The following SORCS3 variants were observed in gnomAD, a reference collection of about 807,000 sequenced individuals.
SORCS3 encodes sortilin related VPS10 domain containing receptor 3, also known as VPS10 domain-containing receptor SorCS3.
SORCS3 carries 57 observed loss-of-function variants against 146.3 expected under a neutral mutation model. The observed-to-expected ratio is 0.39, with a 90% CI of 0.31 to 0.49. SORCS3 has a LOEUF of 0.49. SORCS3 is among the 20% of genes least tolerant of loss of function. The pLI is 0.92. For synonymous variants in SORCS3, 653 were observed against 618.5 expected, an observed-to-expected ratio of 1.06 and a Z score of -0.83; for missense variants, 1,341 against 1,575.5, an observed-to-expected ratio of 0.85 and a Z score of 2.52.
rs567341299 is a variant in SORCS3, at chr10:104,983,675, C to T, written c.954+6182C>T. 1.0e-3 allele frequency among the ~76,000 whole-genome samples: 153 copies of T among 152,130 alleles called. 1 individual carries two copies. Among genetic ancestry groups the T allele is most frequent in the African/African-American group, 3.5e-3 (147 of 41,520 alleles). ...GTTTTTTTCTGTTAATAACACTGCC[C>T]TAGTGCTGACTACTTTGCTTGAATC... is the stretch of plus-strand genomic sequence containing the variant. On this transcript the variant is annotated intron_variant, in intron 4 of 26. Transcript: ENST00000369701.
chr10:105,076,169 G>C (rs2055587612), intron 5 of SORCS3, among the ~76,000 whole-genome samples: 1 of 152,222 alleles, frequency 6.6e-6, no homozygotes, highest in South Asian at 2.1e-4. Flanking sequence ...TGAAGGTTCA[G>C]AGAGGTTAAC....
chr10:104,880,808 C>T (rs539965133), intron 2 of SORCS3, among the ~76,000 whole-genome samples: 48 of 152,214 alleles, frequency 3.2e-4, no homozygotes, highest in Non-Finnish European at 5.6e-4. Flanking sequence ...CGTGTTGATG[C>T]GGTCATTACT....
chr10:105,005,499 G>A (rs1162642264), intron 4 of SORCS3, among the ~76,000 whole-genome samples: 2 of 151,976 alleles, frequency 1.3e-5, no homozygotes, highest in Admixed American at 1.3e-4. Flanking sequence ...AGACTTGGAG[G>A]ATGAGTAGTT....
chr10:105,024,086 A>G (rs1264430953), intron 4 of SORCS3, among the ~76,000 whole-genome samples: 1 of 152,186 alleles, frequency 6.6e-6, no homozygotes, highest in East Asian at 1.9e-4. Flanking sequence ...TCATGGAAAC[A>G]CTGTCAGTGT....
chr10:105,079,802 A>T (rs2133733008), intron 5 of SORCS3, among the ~76,000 whole-genome samples: 1 of 152,324 alleles, frequency 6.6e-6, no homozygotes, highest in Middle Eastern at 3.4e-3. Flanking sequence ...AAGTGAGAAC[A>T]TGTGGCATTT....
intron 7 of SORCS3, among the ~76,000 whole-genome samples, chr10:105,130,109 A>T (rs544587421): frequency 1.3e-5 from 2 of 152,252 alleles, no homozygotes; most frequent in African/African-American, 4.8e-5. Context: ...AGCTCTTTCT[A>T]TATTGAATTA....
intron 3 of SORCS3, among the ~76,000 whole-genome samples, chr10:104,966,455 A>G (rs1017953802): frequency 1.3e-5 from 2 of 152,196 alleles, no homozygotes; most frequent in African/African-American, 4.8e-5. Flanking sequence ...CTAAAAGTCT[A>G]CCATTAGGAC....
intron 1 of SORCS3, among the ~76,000 whole-genome samples, chr10:104,716,509 C>A (rs1012810100): frequency 6.6e-6 from 1 of 151,570 alleles, no homozygotes; most frequent in Non-Finnish European, 1.5e-5. Flanking sequence ...ATCCAAGATG[C>A]CATGGGGGTC....
intron 14 of SORCS3, among the ~76,000 whole-genome samples, chr10:105,197,569 A>G (rs1199962514): frequency 2.6e-5 from 4 of 152,198 alleles, no homozygotes; most frequent in African/African-American, 9.7e-5. Context: ...GACAATACAT[A>G]TAATTCTGTT....
chr10:104,705,312 A>G (rs572749110), intron 1 of SORCS3, among the ~76,000 whole-genome samples: 72 of 144,040 alleles, frequency 5.0e-4, no homozygotes, highest in Admixed American at 2.5e-3. Context: ...TACATCATCT[A>G]TGATTTCCAG....
At chr10:104,838,325 G>C (rs1220495572) in intron 1 of SORCS3, among the ~76,000 whole-genome samples, 2 of 152,124 alleles carry the variant, frequency 1.3e-5, no homozygotes, top group Non-Finnish European at 2.9e-5. Flanking sequence ...GAGCTTGTTA[G>C]GTGGGTTTAT....
intron 1 of SORCS3, among the ~76,000 whole-genome samples, chr10:104,760,325 T>TA (rs1225061055): frequency 6.6e-6 from 1 of 152,202 alleles, no homozygotes; most frequent in African/African-American, 2.4e-5. Flanking sequence ...TGAATAACCA[T>TA]AAACACTTGT....
intron 8 of SORCS3, among the ~76,000 whole-genome samples, 177 bp downstream of exon 8, chr10:105,139,663 T>C (rs1034178): frequency 0.51 from 77,315 of 151,900 alleles, 19,973 homozygotes; most frequent in Admixed American, 0.55. Context: ...ATTCTGTATT[T>C]CTGTCTCAGC....
At chr10:105,093,380 C>T (rs910865233) in intron 6 of SORCS3, among the ~76,000 whole-genome samples, 4 of 152,042 alleles carry the variant, frequency 2.6e-5, no homozygotes, top group African/African-American at 9.7e-5. Context: ...TTTAAAATTA[C>T]ACTAACAGCA....
At chr10:104,975,299 T>C (rs1589574721) in intron 3 of SORCS3, among the ~76,000 whole-genome samples, 2 of 151,916 alleles carry the variant, frequency 1.3e-5, no homozygotes, top group South Asian at 4.2e-4. Flanking sequence ...ATGAGTGAAC[T>C]CCCATTCACA....
At chr10:105,089,726 C>A in intron 5 of SORCS3, 49 bp from the exon 6 acceptor site, 1 of 1,503,058 alleles carries the variant, frequency 6.7e-7, no homozygotes, top group Non-Finnish European at 9.3e-7. Context: ...ACTTTGCTGT[C>A]TGCTATCGGT....
At chr10:105,181,105 C>T (rs527493132) in intron 14 of SORCS3, among the ~76,000 whole-genome samples, 1 of 152,256 alleles carries the variant, frequency 6.6e-6, no homozygotes, top group South Asian at 2.1e-4. Flanking sequence ...CTTGTTCTTT[C>T]AGTGCCATAT....
At chr10:105,021,679 C>T (rs2055198952) in intron 4 of SORCS3, among the ~76,000 whole-genome samples, 1 of 152,142 alleles carries the variant, frequency 6.6e-6, no homozygotes, top group Admixed American at 6.6e-5. Context: ...CATAATATAA[C>T]ATCCATCTCT....
At chr10:104,679,169 G>A (rs2015944191) in intron 1 of SORCS3, among the ~76,000 whole-genome samples, 2 of 152,128 alleles carry the variant, frequency 1.3e-5, no homozygotes, top group East Asian at 3.9e-4. Flanking sequence ...ATCTGTTTGG[G>A]TACCTGCTGA....
Sources: allele counts gnomAD v4.1 joint callset (sites outside exome capture counted in the v4.1 genomes callset), GRCh38; gene constraint gnomAD v4.1.1; transcripts MANE v1.5; gene names NCBI Gene and HGNC (gene_info 2026-07-23, HGNC 2026-07-21).